BAG4: variants seen among roughly 807,000 people sequenced by gnomAD.
BAG4 encodes the protein BAG family molecular chaperone regulator 4.
A neutral mutation model predicts 52.1 loss-of-function variants in BAG4; 28 were observed. That is an observed-to-expected ratio of 0.54 (90% CI 0.40 to 0.74). The LOEUF is 0.74. Among genes scored for constraint, BAG4 ranks in the 30% least tolerant of loss-of-function variants. The pLI is 0.00. For synonymous variants in BAG4, 208 were observed against 217.0 expected (o/e 0.96, Z 0.37); for missense variants, 525 against 572.0 (o/e 0.92, Z 0.84).
chr8:38,199,955 C>T (rs1397475394), intron 2 of BAG4, among the ~76,000 whole-genome samples: 3 of 151,426 alleles, frequency 2.0e-5, no homozygotes, highest in African/African-American at 7.3e-5. Flanking sequence ...AGTTATGTCT[C>T]AGTATCATCT....
chr8:38,203,712 G>T (rs1803723000), intron 2 of BAG4, among the ~76,000 whole-genome samples: 1 of 151,766 alleles, frequency 6.6e-6, no homozygotes, highest in Non-Finnish European at 1.5e-5. Context: ...GCTCATACCT[G>T]TAGTCCAAGC....
intron 1 of BAG4, among the ~76,000 whole-genome samples, chr8:38,184,104 G>T (rs1166903643): frequency 2.6e-5 from 4 of 152,158 alleles, no homozygotes; most frequent in Non-Finnish European, 5.9e-5. Flanking sequence ...AATAGTAAGT[G>T]GAGGAAGCAG....
chr8:38,192,235 G>A lies in BAG4; in HGVS notation c.271-453G>A, dbSNP rs145323670. On this transcript the variant is annotated intron_variant, in intron 1 of 4. Coordinates refer to ENST00000287322, the MANE Select transcript of BAG4 (RefSeq NM_004874.4). ...GTAGTCTTGAGGATTAGTTATTGGA[G>A]AAGGATAGAGGTGATCTAATGTCTC... is the stretch of plus-strand genomic sequence containing the variant. Among the ~76,000 whole-genome samples the A allele has an allele frequency of 7.9e-4, 121 of 152,334 alleles. 1 individual carries two copies. Among genetic ancestry groups the A allele is most frequent in the Non-Finnish European group, 4.7e-4 (32 of 68,026 alleles).
intron 1 of BAG4, among the ~76,000 whole-genome samples, chr8:38,191,492 C>T (rs1266988907): frequency 6.6e-6 from 1 of 152,204 alleles, no homozygotes; most frequent in Non-Finnish European, 1.5e-5. Context: ...CACAGTGTGG[C>T]TCACGCCTGT....
intron 2 of BAG4, among the ~76,000 whole-genome samples, chr8:38,201,134 A>G (rs1347988960): frequency 6.6e-6 from 1 of 152,212 alleles, no homozygotes; most frequent in Non-Finnish European, 1.5e-5. Context: ...ATTAACTTAT[A>G]ATTTAGTAGT....
rs58448399 is a variant in BAG4 at position 38,203,834 on chromosome 8, C to CAA, written c.379-3660_379-3659dup. ...TGGGTGACAGAGTGAGACCCTGTCTCAAAAAAAAAAAAAAAAAAAGTCCTT... is the reference window on the plus strand; with the variant it reads ...TGGGTGACAGAGTGAGACCCTGTCTCAAAAAAAAAAAAAAAAAAAAAGTCCTT... On this transcript the variant is annotated intron_variant, in intron 2 of 4. Coordinates refer to ENST00000287322, the MANE Select transcript of BAG4 (RefSeq NM_004874.4). 1.7e-3 allele frequency: 96 copies of CAA among 55,370 alleles called. 1 individual carries two copies. In the East Asian group the frequency reaches 0.035, roughly 20 times the overall value. 3.4% of individuals were successfully genotyped at this position (55,370 alleles called of 1,614,324 possible).
At chr8:38,206,816 T>C (rs1803775548) in intron 2 of BAG4, among the ~76,000 whole-genome samples, 1 of 152,160 alleles carries the variant, frequency 6.6e-6, no homozygotes, top group South Asian at 2.1e-4. Context: ...AGTCTCACTC[T>C]GTTGCCCAGG....
chr8:38,197,211 A>G (rs529125652), intron 2 of BAG4, among the ~76,000 whole-genome samples: 41 of 152,304 alleles, frequency 2.7e-4, no homozygotes, highest in Admixed American at 3.9e-4. Context: ...AATAATGGGG[A>G]TATTTTCTCA....
rs1316720827 is a variant in BAG4 at position 38,210,531 on chromosome 8, G to A, written c.*38G>A. The A allele has an allele frequency of 1.3e-6, 2 of 1,524,490 alleles. No individual in the cohort carries two copies. The highest frequency in any genetic ancestry group is 8.8e-7 in the Non-Finnish European group (1 of 1,141,372). The allele number at this position is 1,524,490 out of a possible 1,614,324, so 94.4% of individuals were successfully genotyped here. The stretch of plus-strand genomic sequence containing the variant: ...CAAAGTGGAAGCCTGTTACTAACTT[G>A]ACCAAAGAACACTTGATTTGGTTAA... On this transcript the variant is annotated 3_prime_UTR_variant, in exon 5 of 5. Transcript: ENST00000287322.
At chr8:38,197,555 G>C (rs1309778637) in intron 2 of BAG4, among the ~76,000 whole-genome samples, 1 of 152,224 alleles carries the variant, frequency 6.6e-6, no homozygotes, top group Non-Finnish European at 1.5e-5. Flanking sequence ...CAGTGAGTGA[G>C]TGGTGAGTGA....
chr8:38,195,862 G>A (rs1803552711), intron 2 of BAG4, among the ~76,000 whole-genome samples: 1 of 152,102 alleles, frequency 6.6e-6, no homozygotes, highest in Admixed American at 6.6e-5. Context: ...GTCTAATTCT[G>A]GAACACTGTC....
intron 2 of BAG4, among the ~76,000 whole-genome samples, chr8:38,205,200 T>TA (rs1803750538): frequency 7.4e-6 from 1 of 134,576 alleles, no homozygotes; most frequent in African/African-American, 2.7e-5. Flanking sequence ...CCCAGCTAAT[T>TA]AATTTTTTTT....
intron 1 of BAG4, among the ~76,000 whole-genome samples, chr8:38,183,062 T>C (rs1014091908): frequency 4.0e-5 from 6 of 148,564 alleles, no homozygotes; most frequent in African/African-American, 1.5e-4. Context: ...TTTTTTTTTT[T>C]TAGACAGAGT....
intron 2 of BAG4, among the ~76,000 whole-genome samples, chr8:38,203,206 C>A (rs1192790596): frequency 6.6e-6 from 1 of 151,830 alleles, no homozygotes; most frequent in Non-Finnish European, 1.5e-5. Flanking sequence ...GTTGTAGGAG[C>A]TGATGTTACT....
At chr8:38,195,742 T>C (rs1033937971) in intron 2 of BAG4, among the ~76,000 whole-genome samples, 2 of 152,236 alleles carry the variant, frequency 1.3e-5, no homozygotes, top group Admixed American at 6.5e-5. Flanking sequence ...GACATTGTTA[T>C]TGCTAAATGT....
At chr8:38,182,252 A>G (rs1803286420) in intron 1 of BAG4, among the ~76,000 whole-genome samples, 1 of 152,250 alleles carries the variant, frequency 6.6e-6, no homozygotes, top group Non-Finnish European at 1.5e-5. Flanking sequence ...CTATACAAAT[A>G]ACTTATGTAC....
chr8:38,203,834 C>CAAA (rs58448399), intron 2 of BAG4: 4 of 55,396 alleles, frequency 7.2e-5, no homozygotes, highest in Non-Finnish European at 1.1e-4. Context: ...GACCCTGTCT[C>CAAA]AAAAAAAAAA....
chr8:38,183,036 CTTTTTTTT>C (rs539995423), intron 1 of BAG4, among the ~76,000 whole-genome samples: 9 of 100,102 alleles, frequency 9.0e-5, no homozygotes, highest in East Asian at 2.9e-4. Context: ...ACTGACCCAT[CTTTTTTTT>C]TTTTTTTTTT....
chr8:38,200,469 A>G (rs1268886545), intron 2 of BAG4, among the ~76,000 whole-genome samples: 1 of 152,158 alleles, frequency 6.6e-6, no homozygotes, highest in Non-Finnish European at 1.5e-5. Flanking sequence ...CTCCAAAGAG[A>G]TGGACTCTCT....
Sources: allele counts gnomAD v4.1 joint callset (sites outside exome capture counted in the v4.1 genomes callset), GRCh38; gene constraint gnomAD v4.1.1; transcripts MANE v1.5; gene names NCBI Gene and HGNC (gene_info 2026-07-23, HGNC 2026-07-21).